The following PCLO variants were observed in gnomAD, a reference collection of about 807,000 sequenced individuals.
The protein encoded by PCLO is protein piccolo.
Under a neutral mutation model 427.5 loss-of-function variants are expected in PCLO, and 82 were observed. That is an observed-to-expected ratio of 0.19 (90% CI 0.16 to 0.23). PCLO has a LOEUF of 0.23. PCLO is among the 10% of genes least tolerant of loss of function. PCLO has a pLI of 1.00. For synonymous variants in PCLO, 2,357 were observed against 2,155.4 expected, an observed-to-expected ratio of 1.09 and a Z score of -2.59; for missense variants, 6,239 against 6,115.9, an observed-to-expected ratio of 1.02 and a Z score of -0.67.
intron 3 of PCLO, among the ~76,000 whole-genome samples, chr7:83,067,976 T>C (rs1789710285): frequency 6.6e-6 from 1 of 152,264 alleles, no homozygotes; most frequent in Non-Finnish European, 1.5e-5. Context: ...GTTGCTGTTG[T>C]TGTTTTAAGC....
At chr7:82,969,222 G>A (rs570537545) in intron 3 of PCLO, among the ~76,000 whole-genome samples, 1 of 152,182 alleles carries the variant, frequency 6.6e-6, no homozygotes, top group Admixed American at 6.5e-5. Flanking sequence ...TAGGTATGAG[G>A]ATAAAAGGTA....
At chr7:82,919,858 T>A (rs1271717462) in intron 6 of PCLO, among the ~76,000 whole-genome samples, 2 of 151,994 alleles carry the variant, frequency 1.3e-5, no homozygotes, top group Non-Finnish European at 2.9e-5. Context: ...GACAGATATT[T>A]ATTAAATGTC....
chr7:82,813,298 T>C (rs1310516454), intron 20 of PCLO, among the ~76,000 whole-genome samples: 1 of 151,764 alleles, frequency 6.6e-6, no homozygotes, highest in African/African-American at 2.4e-5. Context: ...TAATGATCTA[T>C]TAATCTATAA....
At chr7:83,141,086 C>T (rs1415048781) in intron 2 of PCLO, among the ~76,000 whole-genome samples, 1 of 152,170 alleles carries the variant, frequency 6.6e-6, no homozygotes, top group Non-Finnish European at 1.5e-5. Flanking sequence ...ATGGCTTCCA[C>T]AAAGGTTTCC....
chr7:83,059,608 C>T (rs980436180), intron 3 of PCLO, among the ~76,000 whole-genome samples: 1 of 151,802 alleles, frequency 6.6e-6, no homozygotes, highest in East Asian at 1.9e-4. Flanking sequence ...AACCAATCTC[C>T]ATGCATTATT....
chr7:82,936,778 A>G lies in PCLO; in HGVS notation c.11112+12698T>C, dbSNP rs373146984. On this transcript the variant is annotated intron_variant, in intron 6 of 24. Coordinates refer to ENST00000333891, the MANE Select transcript of PCLO (RefSeq NM_033026.6). ...TATTCATTAGTAGATGAATGAATAA[A>G]CAAACTGTGGCATATAGAATAAAAT... Among the ~76,000 whole-genome samples, 45 of 151,882 alleles carry G rather than the reference A, an allele frequency of 3.0e-4. 2 individuals carry two copies. The South Asian group carries it at 8.5e-3, about 29-fold the overall frequency.
At chr7:82,841,607 G>C (rs1293906478) in intron 13 of PCLO, 98 bp from the exon 14 acceptor site, 6 of 737,272 alleles carry the variant, frequency 8.1e-6, no homozygotes, top group Non-Finnish European at 1.4e-5. Context: ...TTTGGTCAGA[G>C]CAACTGCTTG....
intron 1 of PCLO, among the ~76,000 whole-genome samples, chr7:83,161,422 A>G (rs1792433388): frequency 6.6e-6 from 1 of 152,224 alleles, no homozygotes; most frequent in South Asian, 2.1e-4. Context: ...GTTTGTTTAC[A>G]GTAAGAAAGG....
chr7:83,032,529 G>A (rs1312797929), intron 3 of PCLO, among the ~76,000 whole-genome samples: 1 of 143,134 alleles, frequency 7.0e-6, no homozygotes, highest in Non-Finnish European at 1.5e-5. Context: ...TTTTAACATT[G>A]GTGTCTCTGA....
At chr7:83,066,831 T>C (rs1789682416) in intron 3 of PCLO, among the ~76,000 whole-genome samples, 1 of 152,154 alleles carries the variant, frequency 6.6e-6, no homozygotes, top group African/African-American at 2.4e-5. Flanking sequence ...TGGAGCGCTG[T>C]TCTTCACATA....
chr7:82,893,462 C>T (rs146873624), intron 9 of PCLO, among the ~76,000 whole-genome samples: 5,965 of 151,856 alleles, frequency 0.039, 403 homozygotes, highest in African/African-American at 0.14. Context: ...TTAGGAGATA[C>T]ACCTAATGTT....
Position 83,155,469 on chromosome 7 carries a change from A to G in PCLO, c.1172T>C (p.Leu391Ser). 1 of 1,587,952 alleles carries G rather than the reference A, an allele frequency of 6.3e-7. No homozygotes were observed. The highest frequency in any genetic ancestry group is 1.1e-5 in the South Asian group (1 of 89,830). The change falls in exon 2 of 25, where the codon TTA becomes TCA. Residue 391 changes from leucine to serine, a missense_variant. Coordinates refer to ENST00000333891, the MANE Select transcript of PCLO (RefSeq NM_033026.6). ...PSSEQPGPKA[L>S]AQPPGVGKTP... is the part of the protein sequence containing the mutation. Reference sequence around the variant, plus strand: ...CTTTCCAACTCCAGGAGGCTGAGCTAAAGCCTTTGGCCCAGGCTGCTCCGA... The same window carrying G: ...CTTTCCAACTCCAGGAGGCTGAGCTGAAGCCTTTGGCCCAGGCTGCTCCGA...
rs761078619 is a variant in PCLO at position 82,954,708 on chromosome 7, G to A, written c.6245C>T (p.Pro2082Leu). 32 of 1,613,688 alleles carry A rather than the reference G, an allele frequency of 2.0e-5. No homozygotes were observed. The East Asian group carries it at 5.1e-4, about 26-fold the overall frequency. ...QQMQLTPGSS[P>L]TQAPIGEDMT... Reference sequence around the variant, plus strand: ...ATCCTCACCAATGGGGGCCTGGGTTGGGCTAGATCCAGGTGTTAATTGCAT... The same window carrying A: ...ATCCTCACCAATGGGGGCCTGGGTTAGGCTAGATCCAGGTGTTAATTGCAT... The change falls in exon 5 of 25, where the codon CCA becomes CTA. Residue 2082 changes from proline to leucine, a missense_variant. By Grantham distance (98) the Pro-to-Leu change is moderately conservative. Coordinates refer to ENST00000333891, the MANE Select transcript of PCLO (RefSeq NM_033026.6).
chr7:82,961,730 A>T (rs1795660357), intron 4 of PCLO, among the ~76,000 whole-genome samples: 1 of 152,226 alleles, frequency 6.6e-6, no homozygotes, highest in South Asian at 2.1e-4. Context: ...GCTGGAAGTT[A>T]TAATGAGGCA....
Position 82,952,026 on chromosome 7 carries a change from T to C in PCLO, c.8927A>G (p.Tyr2976Cys), listed in dbSNP as rs1795363495. The change falls in exon 5 of 25, where the codon TAT (tyrosine) becomes TGT (cysteine). Residue 2976 changes from tyrosine (Y) to cysteine (C), a missense_variant. Physicochemically the swap from Tyr to Cys is radical, Grantham distance 194 (BLOSUM62 -2). Around this residue, in one of 5 missense-constraint regions of PCLO, gnomAD observed 4,677 missense variants for 4,468.4 expected, o/e 1.05. Coordinates refer to ENST00000333891, the MANE Select transcript of PCLO (RefSeq NM_033026.6). ...ATAACCATATGGCCCTGATCGATCA[T>C]ACTGATAGTGGTCATCCCTATAACC... Reference protein sequence around the residue: ...RFGYRDDHYQYDRSGPYGYRG... With the variant: ...RFGYRDDHYQCDRSGPYGYRG... 3 of 1,610,036 alleles carry C rather than the reference T, an allele frequency of 1.9e-6. No individual in the cohort carries two copies. Among genetic ancestry groups the C allele is most frequent in the Non-Finnish European group, 1.7e-6 (2 of 1,176,516 alleles).
At chr7:83,112,772 G>A (rs770481469) in intron 3 of PCLO, among the ~76,000 whole-genome samples, 4 of 152,104 alleles carry the variant, frequency 2.6e-5, no homozygotes, top group African/African-American at 4.8e-5. Flanking sequence ...CATTAAATAA[G>A]TAAAAATTAG....
In PCLO at chr7:82,920,286, T is replaced by C. The variant is rs560958113; in HGVS notation, c.11113-3413A>G. ...GAAAGTTTATTATGATTAAAGATGA[T>C]GTAGCTGGAAGCCATGACTAAAGAT... On this transcript the variant is annotated intron_variant, in intron 6 of 24. Coordinates refer to ENST00000333891, the MANE Select transcript of PCLO (RefSeq NM_033026.6). Among the ~76,000 whole-genome samples the C allele has an allele frequency of 1.1e-4, 17 of 151,892 alleles. No homozygotes were observed. In the East Asian group the frequency reaches 2.3e-3, roughly 21 times the overall value.
intron 10 of PCLO, among the ~76,000 whole-genome samples, chr7:82,878,833 T>C (rs1039925268): frequency 1.3e-5 from 2 of 152,194 alleles, no homozygotes; most frequent in African/African-American, 2.4e-5. Context: ...GCTATTGTTT[T>C]GGTAAAGCAC....
intron 22 of PCLO, among the ~76,000 whole-genome samples, chr7:82,767,417 T>C (rs974623580): frequency 6.6e-5 from 10 of 151,776 alleles, no homozygotes; most frequent in African/African-American, 2.4e-4. Flanking sequence ...AAAAATGAGA[T>C]GACAAAATAA....
Sources: allele counts gnomAD v4.1 joint callset (sites outside exome capture counted in the v4.1 genomes callset), GRCh38; gene constraint gnomAD v4.1.1; regional missense constraint gnomAD v4.1.1; transcripts MANE v1.5; gene names NCBI Gene and HGNC (gene_info 2026-07-23, HGNC 2026-07-21).